SMAD5: variants seen among roughly 807,000 people sequenced by gnomAD.
SMAD5 encodes the protein MAD, mothers against decapentaplegic homolog 5.
Under a neutral mutation model 43.1 loss-of-function variants are expected in SMAD5, and 9 were observed. That is an observed-to-expected ratio of 0.21 (90% CI 0.13 to 0.36). The LOEUF is 0.36. SMAD5 is among the 10% of genes least tolerant of loss of function. The probability of loss-of-function intolerance (pLI) is 1.00; values close to 1 mark genes in which losing one functional copy is unlikely to be tolerated. For synonymous variants in SMAD5, 190 were observed against 192.4 expected, an observed-to-expected ratio of 0.99 and a Z score of 0.10; for missense variants, 348 against 574.0, an observed-to-expected ratio of 0.61 and a Z score of 4.02.
At chr5:136,138,518 G>C (rs550913479) in intron 1 of SMAD5, among the ~76,000 whole-genome samples, 1 of 152,130 alleles carries the variant, frequency 6.6e-6, no homozygotes, top group African/African-American at 2.4e-5. Context: ...TCCTCTCTGC[G>C]TGCAGTTGTG....
intron 5 of SMAD5, among the ~76,000 whole-genome samples, chr5:136,169,732 C>G (rs1455012540): frequency 1.3e-5 from 2 of 152,126 alleles, no homozygotes; most frequent in Admixed American, 1.3e-4. Flanking sequence ...TTTTGCATTC[C>G]CAACTATGAA....
In SMAD5 at chr5:136,181,000, TG is replaced by T. The variant is rs1328985712; in HGVS notation, c.*3522del. 1 of 152,118 alleles carries T rather than the reference TG, an allele frequency of 6.6e-6. No individual in the cohort carries two copies. The highest frequency in any genetic ancestry group is 1.5e-5 in the Non-Finnish European group (1 of 67,952). 9.4% of individuals were successfully genotyped at this position (152,118 alleles called of 1,614,324 possible). A position where few individuals can be genotyped will look rare whatever the true frequency, so the allele number is the denominator to read the frequency against. ...CTTCCCCTGTGTGGTAGTATTTTGT[TG>T]GAAGAGAATGTTTATACAAAAAATG... On this transcript the variant is annotated 3_prime_UTR_variant, in exon 8 of 8. Transcript: ENST00000545279.
intron 3 of SMAD5, among the ~76,000 whole-genome samples, chr5:136,155,061 C>G (rs1354973379): frequency 1.3e-5 from 2 of 152,196 alleles, no homozygotes; most frequent in Non-Finnish European, 2.9e-5. Context: ...TTAAGATTGT[C>G]TATAAGCTGA....
At chr5:136,138,997 T>C (rs955985627) in intron 1 of SMAD5, among the ~76,000 whole-genome samples, 1 of 152,076 alleles carries the variant, frequency 6.6e-6, no homozygotes, top group Non-Finnish European at 1.5e-5. Flanking sequence ...TTTTGGCCAA[T>C]AGTGTTGAGG....
rs1484266840 is a variant in SMAD5 at position 136,178,229 on chromosome 5, GC to G, written c.*750del. The G allele has an allele frequency of 1.3e-5, 2 of 152,490 alleles. No homozygotes were observed. Among genetic ancestry groups the G allele is most frequent in the African/African-American group, 4.8e-5 (2 of 41,366 alleles). The allele number at this position is 152,490 out of a possible 1,614,324, so 9.4% of individuals were successfully genotyped here. ...AATCTGTCATAAGCATTACTTTATA[GC>G]TAGTGACAGTGCATGCACAGCCTTG... On this transcript the variant is annotated 3_prime_UTR_variant, in exon 8 of 8. Coordinates refer to ENST00000545279, the MANE Select transcript of SMAD5 (RefSeq NM_005903.7).
At chr5:136,177,234 A>C (rs556804841) in intron 7 of SMAD5, 103 bp from the exon 8 acceptor site, 1 of 934,548 alleles carries the variant, frequency 1.1e-6, no homozygotes, top group East Asian at 2.5e-5. Context: ...TAACTTCTAC[A>C]TATCTCTACT....
rs530262960 is a variant in SMAD5 at position 136,182,382 on chromosome 5, C to T, written c.*4902C>T. On this transcript the variant is annotated 3_prime_UTR_variant, in exon 8 of 8. Transcript: ENST00000545279. The stretch of plus-strand genomic sequence containing the variant: ...TGATTTTTTTTTTAAATATGGTTGG[C>T]GTAAGTTGTATTTTGAAATTCACTT... 12 of 151,784 alleles carry T rather than the reference C, an allele frequency of 7.9e-5. No individual in the cohort carries two copies. The East Asian group carries it at 9.7e-4, about 12-fold the overall frequency. The allele number at this position is 151,784 out of a possible 1,614,324, so 9.4% of individuals were successfully genotyped here.
intron 5 of SMAD5, among the ~76,000 whole-genome samples, chr5:136,171,355 G>A (rs1754210152): frequency 6.6e-6 from 1 of 152,142 alleles, no homozygotes; most frequent in African/African-American, 2.4e-5. Context: ...ATTAGTTTAT[G>A]TTAGAAAAAC....
intron 1 of SMAD5, among the ~76,000 whole-genome samples, chr5:136,141,536 C>T (rs1310867733): frequency 1.3e-5 from 2 of 152,156 alleles, no homozygotes; most frequent in Non-Finnish European, 2.9e-5. Flanking sequence ...CATATAGTAC[C>T]TTTGTATGGG....
At chr5:136,142,724 T>A (rs908428603) in intron 1 of SMAD5, among the ~76,000 whole-genome samples, 3 of 152,162 alleles carry the variant, frequency 2.0e-5, no homozygotes, top group African/African-American at 7.2e-5. Context: ...TCCTGTCTGT[T>A]CAATTATTGG....
intron 3 of SMAD5, among the ~76,000 whole-genome samples, chr5:136,155,744 C>T (rs1178357673): frequency 6.6e-6 from 1 of 152,194 alleles, no homozygotes; most frequent in Non-Finnish European, 1.5e-5. Context: ...ATCCGCATCA[C>T]TAATTGACTC....
Position 136,177,320 on chromosome 5 carries a change from T to A in SMAD5, c.1255-17T>A. On this transcript the variant is annotated splice_polypyrimidine_tract_variant and intron_variant, in intron 7 of 7. Coordinates refer to ENST00000545279, the MANE Select transcript of SMAD5 (RefSeq NM_005903.7). ...GTTTAAAGAGGGATTTGTGATGATATCTGTTCATTTTCATAGGGTTGGGGA... is the reference window on the plus strand; with the variant it reads ...GTTTAAAGAGGGATTTGTGATGATAACTGTTCATTTTCATAGGGTTGGGGA... 6.2e-7 allele frequency: 1 copy of A among 1,612,828 alleles called. No individual in the cohort carries two copies. The highest frequency in any genetic ancestry group is 8.5e-7 in the Non-Finnish European group (1 of 1,178,948).
At chr5:136,162,261 A>G (rs1753848160) in intron 4 of SMAD5, among the ~76,000 whole-genome samples, 1 of 152,256 alleles carries the variant, frequency 6.6e-6, no homozygotes, top group Non-Finnish European at 1.5e-5. Flanking sequence ...GGGTAACCAG[A>G]GAAAACTCAA....
Position 136,160,936 on chromosome 5 carries a change from C to G in SMAD5, c.484C>G (p.His162Asp). The part of the protein sequence containing the change: ...SLLVQFRNLS[H>D]NEPHMPQNAT... Reference sequence around the variant, plus strand: ...TCTGGTTCAGTTTAGGAACCTGAGCCACAATGAACCACACATGCCACAAAA... The same window carrying G: ...TCTGGTTCAGTTTAGGAACCTGAGCGACAATGAACCACACATGCCACAAAA... Residue 162 changes from histidine to aspartate, a missense_variant, in exon 4 of 8, where the codon CAC becomes GAC. This residue lies in a region of SMAD5 where 185 missense variants were observed against 207.0 expected (regional missense o/e 0.89). Transcript: ENST00000545279. 4.3e-6 allele frequency: 7 copies of G among 1,613,886 alleles called. No homozygotes were observed. Among genetic ancestry groups the G allele is most frequent in the Non-Finnish European group, 5.9e-6 (7 of 1,179,874 alleles).
chr5:136,148,172 A>G (rs750590415), intron 2 of SMAD5, among the ~76,000 whole-genome samples: 1 of 151,840 alleles, frequency 6.6e-6, no homozygotes, highest in African/African-American at 2.4e-5. Context: ...GTGTGAATGG[A>G]TAAACAATTT....
At chr5:136,168,313 A>G (rs1232252676) in intron 5 of SMAD5, among the ~76,000 whole-genome samples, 1 of 152,198 alleles carries the variant, frequency 6.6e-6, no homozygotes, top group Non-Finnish European at 1.5e-5. Context: ...TATATTGTGT[A>G]TAAACCTTTT....
At chr5:136,140,676 A>G (rs1474081992) in intron 1 of SMAD5, among the ~76,000 whole-genome samples, 2 of 151,858 alleles carry the variant, frequency 1.3e-5, no homozygotes, top group African/African-American at 4.8e-5. Context: ...CCTGTTTAAA[A>G]TTACACCTCT....
chr5:136,144,274 CT>C (rs1010749173), intron 1 of SMAD5, among the ~76,000 whole-genome samples: 2 of 151,954 alleles, frequency 1.3e-5, no homozygotes, highest in African/African-American at 4.8e-5. Context: ...TTGTGTTTTT[CT>C]TTTATGATGC....
intron 7 of SMAD5, among the ~76,000 whole-genome samples, chr5:136,177,027 GT>G (rs1400842927): frequency 2.6e-5 from 4 of 151,970 alleles, no homozygotes; most frequent in African/African-American, 9.7e-5. Context: ...AGAAATATTT[GT>G]TTTAATTATG....
Sources: allele counts gnomAD v4.1 joint callset (sites outside exome capture counted in the v4.1 genomes callset), GRCh38; gene constraint gnomAD v4.1.1; regional missense constraint gnomAD v4.1.1; transcripts MANE v1.5; gene names NCBI Gene and HGNC (gene_info 2026-07-23, HGNC 2026-07-21).